Variants in RPL26L1 observed in about 807,000 individuals in gnomAD.
The protein encoded by RPL26L1 is ribosomal protein uL24-like.
In RPL26L1, 8 loss-of-function variants were observed where a neutral mutation model predicts 15.2. That is an observed-to-expected ratio of 0.53 (90% confidence interval 0.31 to 0.95). RPL26L1 has a LOEUF of 0.95. Among genes scored for constraint, RPL26L1 ranks in the 40% least tolerant of loss-of-function variants. RPL26L1 has a pLI of 0.05. For missense variants in RPL26L1, 146 were observed against 190.9 expected, an observed-to-expected ratio of 0.76 and a Z score of 1.39; for synonymous variants, 51 against 65.9, an observed-to-expected ratio of 0.77 and a Z score of 1.09.
intron 2 of RPL26L1, among the ~76,000 whole-genome samples, chr5:172,965,096 A>T (rs896769848): frequency 2.0e-5 from 3 of 152,166 alleles, no homozygotes; most frequent in African/African-American, 7.2e-5. Flanking sequence ...AGGCAATGAG[A>T]TATCACTTGA....
At position 172,959,464 on chromosome 5, in the gene RPL26L1, G is replaced by T. The variant is rs188189386; in HGVS notation, c.-14G>T. 70 of 1,016,838 alleles carry T rather than the reference G, an allele frequency of 6.9e-5. No individual in the cohort carries two copies. Among genetic ancestry groups the T allele is most frequent in the Admixed American group, 5.2e-4 (10 of 19,392 alleles). The allele number at this position is 1,016,838 out of a possible 1,614,324, so 63.0% of individuals were successfully genotyped here. A position where few individuals can be genotyped will look rare whatever the true frequency, so the allele number is the denominator to read the frequency against. The stretch of plus-strand genomic sequence containing the variant: ...CACTCAGGGTCTGAGGCAGCTAGTA[G>T]CCGGGTGAGTGGAGGCTGGAGTTTT... On this transcript the variant is annotated 5_prime_UTR_variant, in exon 1 of 4. Coordinates refer to ENST00000265100, the MANE Select transcript of RPL26L1 (RefSeq NM_016093.4).
At position 172,968,742 on chromosome 5, in the gene RPL26L1, A is replaced by G. The variant is rs182717922; in HGVS notation, c.309+143A>G. 30 of 751,074 alleles carry G rather than the reference A, an allele frequency of 4.0e-5. No homozygotes were observed. In the African/African-American group the frequency reaches 4.8e-4, roughly 12 times the overall value. 46.5% of individuals were successfully genotyped at this position (751,074 alleles called of 1,614,324 possible). On this transcript the variant is annotated intron_variant, in intron 3 of 3. Coordinates refer to ENST00000265100, the MANE Select transcript of RPL26L1 (RefSeq NM_016093.4). The stretch of plus-strand genomic sequence containing the variant: ...GATTCAGTAGCTTTGTGATATCATC[A>G]AGGATCCAGATTTTTCTTCTCTTCT...
At chr5:172,954,862 G>GT (rs770040072), upstream of RPL26L1, 1 of 446,858 alleles carries the variant, frequency 2.2e-6, no homozygotes, top group South Asian at 1.6e-5. Flanking sequence ...GATTACAGTG[G>GT]TTTCATATAA....
chr5:172,965,092 T>C (rs1015497748), intron 2 of RPL26L1, among the ~76,000 whole-genome samples: 30 of 152,080 alleles, frequency 2.0e-4, no homozygotes, highest in Admixed American at 1.9e-3. Flanking sequence ...GCTGAGGCAA[T>C]GAGATATCAC....
At chr5:172,959,229 A>C (rs1247371152), upstream of RPL26L1, 1 of 290,006 alleles carries the variant, frequency 3.4e-6, no homozygotes, top group African/African-American at 2.3e-5. Flanking sequence ...CTCAAAAAAA[A>C]AAAAAAGAAC....
chr5:172,966,674 GTC>G (rs1288070535), intron 2 of RPL26L1, among the ~76,000 whole-genome samples: 1 of 152,104 alleles, frequency 6.6e-6, no homozygotes, highest in Non-Finnish European at 1.5e-5. Context: ...TGTCCTGAGA[GTC>G]TCTGGTCATG....
upstream of RPL26L1, among the ~76,000 whole-genome samples, chr5:172,956,245 C>T (rs1483556490): frequency 6.6e-6 from 1 of 152,132 alleles, no homozygotes; most frequent in Non-Finnish European, 1.5e-5. Context: ...TTAGTGATGC[C>T]TTTTGATAAG....
upstream of RPL26L1, chr5:172,958,613 C>T (rs376646464): frequency 2.4e-5 from 8 of 334,780 alleles, no homozygotes; most frequent in East Asian, 6.0e-4. Context: ...TGATCTCCCT[C>T]ACAGCTCCGT....
intron 2 of RPL26L1, among the ~76,000 whole-genome samples, chr5:172,965,076 A>G (rs1755405129): frequency 6.6e-6 from 1 of 152,174 alleles, no homozygotes; most frequent in African/African-American, 2.4e-5. Context: ...CCCAGCTACA[A>G]GGGAGGCTGA....
At chr5:172,956,669 G>A (rs549771874), upstream of RPL26L1, among the ~76,000 whole-genome samples, 8 of 152,250 alleles carry the variant, frequency 5.3e-5, no homozygotes, top group African/African-American at 1.9e-4. Context: ...CGGGTGTGGT[G>A]GCTCACATCT....
At chr5:172,959,674 G>T (rs1755142779) in intron 1 of RPL26L1, 191 bp from the exon 2 acceptor site, 2 of 1,081,966 alleles carry the variant, frequency 1.8e-6, no homozygotes, top group Non-Finnish European at 2.6e-6. Flanking sequence ...ACGGGCATGC[G>T]ACCTCCACAC....
chr5:172,958,130 G>A (rs1187224375), upstream of RPL26L1: 1 of 315,136 alleles, frequency 3.2e-6, no homozygotes, highest in Non-Finnish European at 6.4e-6. Context: ...CGGGCGTGGT[G>A]GCGCATACCT....
At chr5:172,957,071 G>A (rs557001668), upstream of RPL26L1, 2 of 406,940 alleles carry the variant, frequency 4.9e-6, no homozygotes, top group Admixed American at 2.9e-5. Context: ...GGCAGTGGCA[G>A]AGATCCAAAC....
upstream of RPL26L1, chr5:172,955,132 T>C: frequency 7.1e-6 from 1 of 140,618 alleles, no homozygotes; most frequent in South Asian, 1.0e-4. Flanking sequence ...GTGGTTAGTT[T>C]TTTTTTTTTT....
upstream of RPL26L1, chr5:172,955,129 GTTTTTTTTTTTTT>G: frequency 4.4e-6 from 1 of 227,530 alleles, no homozygotes; most frequent in Non-Finnish European, 8.2e-6. Flanking sequence ...GCTGTGGTTA[GTTTTTTTTTTTTT>G]TTTTTTTTTT....
chr5:172,958,684 A>C (rs1178535833), upstream of RPL26L1: 2 of 243,154 alleles, frequency 8.2e-6, no homozygotes, highest in African/African-American at 4.4e-5. Context: ...CGGCCTAGCC[A>C]GTGGTTGGGT....
At position 172,960,008 on chromosome 5, in the gene RPL26L1, C is replaced by T; in HGVS notation, c.135C>T (p.Arg45=). 6.2e-7 allele frequency: 1 copy of T among 1,614,206 alleles called. No individual in the cohort carries two copies. Among genetic ancestry groups the T allele is most frequent in the Non-Finnish European group, 8.5e-7 (1 of 1,180,038 alleles). The change falls in exon 2 of 4, where the codon CGC becomes CGT. Residue 45 remains arginine (R), a synonymous_variant. Coordinates refer to ENST00000265100, the MANE Select transcript of RPL26L1 (RefSeq NM_016093.4). ...AGCTGCGGCAGAAGTACAATGTCCGCTCCATGCCCATCCGCAAGGACGACG... is the reference window on the plus strand; with the variant it reads ...AGCTGCGGCAGAAGTACAATGTCCGTTCCATGCCCATCCGCAAGGACGACG... The part of the protein sequence containing the change: ...SKELRQKYNV[R]SMPIRKDDEV...
chr5:172,957,769 A>G (rs572902749), upstream of RPL26L1: 33 of 166,234 alleles, frequency 2.0e-4, no homozygotes, highest in Non-Finnish European at 4.0e-4. Flanking sequence ...GCCGATAGGT[A>G]ATGACTTCCT....
chr5:172,967,840 A>G (rs886112021), intron 2 of RPL26L1, among the ~76,000 whole-genome samples: 1 of 146,988 alleles, frequency 6.8e-6, no homozygotes, highest in African/African-American at 2.5e-5. Context: ...TATGACATAT[A>G]TGTATGTTAC....
Sources: allele counts gnomAD v4.1 joint callset (sites outside exome capture counted in the v4.1 genomes callset), GRCh38; gene constraint gnomAD v4.1.1; transcripts MANE v1.5; gene names NCBI Gene and HGNC (gene_info 2026-07-23, HGNC 2026-07-21).